SYNPO: variants seen among roughly 807,000 people sequenced by gnomAD.
The protein encoded by SYNPO is synaptopodin.
Under a neutral mutation model 49.5 loss-of-function variants are expected in SYNPO, and 19 were observed. That is an observed-to-expected ratio of 0.38 (90% confidence interval 0.27 to 0.56). SYNPO has a LOEUF of 0.56. Among genes scored for constraint, SYNPO ranks in the 20% least tolerant of loss-of-function variants. The pLI is 0.68. For missense variants in SYNPO, 1,131 were observed against 1,248.3 expected (o/e 0.91, Z 1.42); for synonymous variants, 536 against 548.0 (o/e 0.98, Z 0.31).
intron 1 of SYNPO, among the ~76,000 whole-genome samples, chr5:150,643,759 T>G (rs1471629864): frequency 6.6e-6 from 1 of 152,010 alleles, no homozygotes; most frequent in Non-Finnish European, 1.5e-5. Context: ...GGTCTCGAAC[T>G]CCTGACCTCG....
chr5:150,639,250 T>A (rs985890096), upstream of SYNPO, among the ~76,000 whole-genome samples: 10 of 152,184 alleles, frequency 6.6e-5, no homozygotes, highest in Non-Finnish European at 1.0e-4. Flanking sequence ...TACCCATCCA[T>A]CTCTGCCCTC....
At chr5:150,646,757 A>T (rs1758108087) in intron 1 of SYNPO, among the ~76,000 whole-genome samples, 1 of 152,188 alleles carries the variant, frequency 6.6e-6, no homozygotes, top group Non-Finnish European at 1.5e-5. Context: ...TAAAAAAAGC[A>T]GACGGTGGTT....
At chr5:150,589,798 G>C in the SYNPO span, among the ~76,000 whole-genome samples, 2 of 152,214 alleles carry the variant, frequency 1.3e-5, no homozygotes, top group Admixed American at 6.5e-5. Context: ...TTCAAATGAG[G>C]GTTTATTCAG....
chr5:150,642,542 C>G (rs947856504), intron 1 of SYNPO, among the ~76,000 whole-genome samples: 1 of 151,820 alleles, frequency 6.6e-6, no homozygotes, highest in Non-Finnish European at 1.5e-5. Context: ...ACACCAAGAG[C>G]ATGATCTTGA....
intron 2 of SYNPO, among the ~76,000 whole-genome samples, chr5:150,654,863 C>T (rs1758503974): frequency 6.6e-6 from 1 of 152,334 alleles, no homozygotes; most frequent in Non-Finnish European, 1.5e-5. Context: ...CGGTGGCTCA[C>T]GCCTGTAATC....
At chr5:150,646,154 A>G (rs1483506239) in intron 1 of SYNPO, among the ~76,000 whole-genome samples, 1 of 146,458 alleles carries the variant, frequency 6.8e-6, no homozygotes, top group Non-Finnish European at 1.5e-5. Context: ...ACACAGGGAG[A>G]CCCCTTCTCT....
At chr5:150,592,779 T>G in the SYNPO span, among the ~76,000 whole-genome samples, 3 of 152,334 alleles carry the variant, frequency 2.0e-5, no homozygotes, top group Non-Finnish European at 2.9e-5. Context: ...TTTGTGAGCT[T>G]GAGTGACTGA....
At chr5:150,651,717 A>T (rs535931207) in intron 2 of SYNPO, 1 of 1,000,444 alleles carries the variant, frequency 1.0e-6, no homozygotes, top group East Asian at 1.1e-4. Flanking sequence ...TTTTGAGGAA[A>T]ATCTGGGACT....
At chr5:150,605,342 T>A (rs1228900244) in intron 1 of SYNPO, among the ~76,000 whole-genome samples, 2 of 152,180 alleles carry the variant, frequency 1.3e-5, no homozygotes, top group Non-Finnish European at 2.9e-5. Flanking sequence ...TGGTCAGGAC[T>A]AGCACTCTTC....
chr5:150,656,448 C>G lies in SYNPO; in HGVS notation c.2073C>G (p.Gly691=). The part of the protein sequence containing the change: ...SLPTSPPWTP[G]ASRPPSSLDG... ...CCACCTCCCCACCCTGGACGCCGGG[C>G]GCGTCCCGGCCCCCCAGCAGCCTAG... The change falls in exon 3 of 3, where the codon GGC becomes GGG. Residue 691 remains glycine, a synonymous_variant. Transcript: ENST00000307662. 6.5e-7 allele frequency: 1 copy of G among 1,531,904 alleles called. No individual in the cohort carries two copies. Among genetic ancestry groups the G allele is most frequent in the East Asian group, 2.5e-5 (1 of 40,544 alleles). 94.9% of individuals were successfully genotyped at this position (1,531,904 alleles called of 1,614,324 possible).
upstream of SYNPO, among the ~76,000 whole-genome samples, chr5:150,638,708 C>T (rs944239331): frequency 2.0e-5 from 3 of 152,192 alleles, no homozygotes; most frequent in African/African-American, 7.2e-5. Context: ...GGAGGGGACC[C>T]GCAGATGACC....
intron 2 of SYNPO, among the ~76,000 whole-genome samples, chr5:150,632,950 A>G (rs1757590117): frequency 6.6e-6 from 1 of 152,182 alleles, no homozygotes; most frequent in Non-Finnish European, 1.5e-5. Context: ...CCCAGGACCT[A>G]GAAACCATTC....
intron 2 of SYNPO, among the ~76,000 whole-genome samples, chr5:150,623,492 G>A (rs1249751733): frequency 6.6e-6 from 1 of 152,146 alleles, no homozygotes; most frequent in Non-Finnish European, 1.5e-5. Context: ...CCAACCTGGT[G>A]GGGGTCCCAG....
At chr5:150,646,065 C>T (rs989003234) in intron 1 of SYNPO, among the ~76,000 whole-genome samples, 11 of 151,994 alleles carry the variant, frequency 7.2e-5, no homozygotes, top group African/African-American at 2.4e-4. Flanking sequence ...TATAGTGGCT[C>T]ATGCCTATAA....
chr5:150,597,076 CT>C (rs1386319365), upstream of SYNPO, among the ~76,000 whole-genome samples: 1 of 152,232 alleles, frequency 6.6e-6, no homozygotes, highest in Non-Finnish European at 1.5e-5. Flanking sequence ...ATCCTGCTGT[CT>C]TCCTGTGGCT....
chr5:150,625,683 A>G (rs371515897), intron 2 of SYNPO, among the ~76,000 whole-genome samples: 20 of 152,318 alleles, frequency 1.3e-4, no homozygotes, highest in African/African-American at 3.8e-4. Context: ...AATCAGGGGC[A>G]CTGTCCAGAG....
At chr5:150,593,465 C>A in the SYNPO span, among the ~76,000 whole-genome samples, 1 of 152,088 alleles carries the variant, frequency 6.6e-6, no homozygotes, top group Non-Finnish European at 1.5e-5. Context: ...TGGCCTATTT[C>A]TTTTTATTTT....
At chr5:150,610,999 T>G (rs1165853997) in intron 1 of SYNPO, among the ~76,000 whole-genome samples, 1 of 151,962 alleles carries the variant, frequency 6.6e-6, no homozygotes, top group Non-Finnish European at 1.5e-5. Context: ...TTGGTTTGTG[T>G]TTTTTTTATA....
chr5:150,628,149 C>G (rs560003381), intron 2 of SYNPO, among the ~76,000 whole-genome samples: 1 of 152,044 alleles, frequency 6.6e-6, no homozygotes, highest in Non-Finnish European at 1.5e-5. Context: ...AACATGGAAG[C>G]AGCCTGTAGG....
Sources: gnomAD v4.1 joint callset for allele counts (sites outside exome capture counted in the v4.1 genomes callset) on GRCh38, gnomAD v4.1.1 for gene constraint, MANE v1.5 for transcripts, NCBI Gene and HGNC (gene_info 2026-07-23, HGNC 2026-07-21) for gene names.